SGPP2: variants seen among roughly 807,000 people sequenced by gnomAD.
SGPP2 encodes the protein sphingosine 1-phosphate phosphohydrolase 2.
Under a neutral mutation model 33.9 loss-of-function variants are expected in SGPP2, and 30 were observed. The observed-to-expected ratio is 0.89, with a 90% CI of 0.66 to 1.20. SGPP2 has a LOEUF of 1.20. Ranked by LOEUF, SGPP2 falls within the 50% of genes most tolerant of loss-of-function variation. SGPP2 has a pLI of 0.00. For synonymous variants in SGPP2, 233 were observed against 225.0 expected (o/e 1.04, Z -0.32); for missense variants, 458 against 532.1 (o/e 0.86, Z 1.37).
At chr2:222,496,008 G>A (rs528590740) in intron 2 of SGPP2, among the ~76,000 whole-genome samples, 1 of 152,118 alleles carries the variant, frequency 6.6e-6, no homozygotes, top group Non-Finnish European at 1.5e-5. Context: ...TAATAGAAAT[G>A]CCCGTTCCTC....
intron 2 of SGPP2, among the ~76,000 whole-genome samples, chr2:222,491,692 C>T (rs2082986): frequency 0.66 from 100,948 of 151,936 alleles, 34,341 homozygotes; most frequent in East Asian, 0.99. Context: ...TATTCTGCCC[C>T]TGGCCCTTCC....
chr2:222,498,122 A>T (rs922977310), intron 2 of SGPP2, among the ~76,000 whole-genome samples: 4 of 152,178 alleles, frequency 2.6e-5, no homozygotes, highest in African/African-American at 9.7e-5. Flanking sequence ...CAGAGAGTGT[A>T]GCCCCTTTGG....
intron 4 of SGPP2, among the ~76,000 whole-genome samples, chr2:222,547,973 TAAAG>T (rs1050646082): frequency 1.3e-5 from 2 of 152,316 alleles, no homozygotes; most frequent in Non-Finnish European, 2.9e-5. Context: ...GACAATCTAA[TAAAG>T]AAATATTACA....
intron 3 of SGPP2, among the ~76,000 whole-genome samples, chr2:222,524,718 G>T (rs1328421996): frequency 6.6e-6 from 1 of 152,096 alleles, no homozygotes; most frequent in Non-Finnish European, 1.5e-5. Flanking sequence ...ATGCTTATAT[G>T]TTGTGAAACT....
chr2:222,434,396 A>G (rs1294978039), intron 1 of SGPP2, among the ~76,000 whole-genome samples: 2 of 152,188 alleles, frequency 1.3e-5, no homozygotes, highest in Non-Finnish European at 2.9e-5. Flanking sequence ...TCTTGCTTCA[A>G]GCACAACAAA....
At chr2:222,473,672 C>A (rs893308263) in intron 1 of SGPP2, among the ~76,000 whole-genome samples, 5 of 152,130 alleles carry the variant, frequency 3.3e-5, no homozygotes, top group Admixed American at 1.3e-4. Flanking sequence ...CGCCCGTAAT[C>A]CCAGCACTTT....
chr2:222,464,007 G>A (rs933991288), intron 1 of SGPP2, among the ~76,000 whole-genome samples: 1 of 152,124 alleles, frequency 6.6e-6, no homozygotes, highest in African/African-American at 2.4e-5. Context: ...GGATGAAAAC[G>A]AGTAAACTGA....
chr2:222,549,606 G>C (rs1443832758), intron 4 of SGPP2, among the ~76,000 whole-genome samples: 1 of 76,858 alleles, frequency 1.3e-5, no homozygotes, highest in East Asian at 3.6e-4. Context: ...CCTGTAATGA[G>C]AATATAATAA....
chr2:222,559,426 G>T lies in SGPP2; in HGVS notation c.*528G>T. The T allele has an allele frequency of 6.4e-6, 1 of 156,844 alleles. No individual in the cohort carries two copies. The highest frequency in any genetic ancestry group is 1.4e-5 in the Non-Finnish European group (1 of 70,640). The allele number at this position is 156,844 out of a possible 1,614,324, so 9.7% of individuals were successfully genotyped here. A position where few individuals can be genotyped will look rare whatever the true frequency, so the allele number is the denominator to read the frequency against. ...GGCACCATATGAAACGGCATTCCTTGGACAGGGTGACTTCCTTATCGTTTA... is the reference window on the plus strand; with the variant it reads ...GGCACCATATGAAACGGCATTCCTTTGACAGGGTGACTTCCTTATCGTTTA... On this transcript the variant is annotated 3_prime_UTR_variant, in exon 5 of 5. Coordinates refer to ENST00000321276, the MANE Select transcript of SGPP2 (RefSeq NM_152386.4).
At chr2:222,470,261 A>G (rs768999942) in intron 1 of SGPP2, among the ~76,000 whole-genome samples, 6 of 152,332 alleles carry the variant, frequency 3.9e-5, no homozygotes, top group Admixed American at 1.3e-4. Context: ...CTGCACATGT[A>G]TCTCAGAATT....
chr2:222,437,860 C>A (rs944030839), intron 1 of SGPP2, among the ~76,000 whole-genome samples: 2 of 152,210 alleles, frequency 1.3e-5, no homozygotes, highest in African/African-American at 4.8e-5. Flanking sequence ...CTCCAAAATC[C>A]TGGAGACTCC....
At chr2:222,500,425 A>G (rs573052177) in intron 2 of SGPP2, among the ~76,000 whole-genome samples, 39 of 152,280 alleles carry the variant, frequency 2.6e-4, no homozygotes, top group Non-Finnish European at 5.0e-4. Context: ...AGCCAGTTTG[A>G]GGGTGTTTAA....
intron 4 of SGPP2, among the ~76,000 whole-genome samples, chr2:222,549,233 G>T (rs2106154142): frequency 6.6e-6 from 1 of 152,318 alleles, no homozygotes; most frequent in African/African-American, 2.4e-5. Flanking sequence ...TGACTGAATG[G>T]GTTTGTTCTC....
chr2:222,516,464 A>G (rs866052410), intron 2 of SGPP2, among the ~76,000 whole-genome samples: 12 of 152,342 alleles, frequency 7.9e-5, no homozygotes, highest in Admixed American at 2.0e-4. Context: ...GGGCTATTAT[A>G]AAAAAGAGCT....
intron 1 of SGPP2, among the ~76,000 whole-genome samples, chr2:222,454,856 G>C (rs1489528465): frequency 6.6e-6 from 1 of 152,028 alleles, no homozygotes; most frequent in Non-Finnish European, 1.5e-5. Flanking sequence ...AGAACCCGTA[G>C]ATGGCTACTT....
At chr2:222,514,498 G>C (rs1698575297) in intron 2 of SGPP2, among the ~76,000 whole-genome samples, 1 of 152,090 alleles carries the variant, frequency 6.6e-6, no homozygotes, top group Non-Finnish European at 1.5e-5. Context: ...CACTACACCT[G>C]GCTAGTTCTT....
intron 2 of SGPP2, among the ~76,000 whole-genome samples, chr2:222,509,544 A>G (rs766005653): frequency 1.4e-4 from 22 of 152,206 alleles, no homozygotes; most frequent in Non-Finnish European, 2.5e-4. Context: ...GCTCTCTGGT[A>G]TGTACTCACT....
At chr2:222,451,391 A>G (rs1455057233) in intron 1 of SGPP2, among the ~76,000 whole-genome samples, 1 of 152,246 alleles carries the variant, frequency 6.6e-6, no homozygotes, top group African/African-American at 2.4e-5. Context: ...ATCATTTAGA[A>G]AGTATGTGAC....
At chr2:222,498,906 A>G (rs1439556104) in intron 2 of SGPP2, among the ~76,000 whole-genome samples, 1 of 152,180 alleles carries the variant, frequency 6.6e-6, no homozygotes, top group African/African-American at 2.4e-5. Context: ...AATGTTTGAA[A>G]TGTACCATCA....
Sources: gnomAD v4.1 joint callset for allele counts (sites outside exome capture counted in the v4.1 genomes callset) on GRCh38, gnomAD v4.1.1 for gene constraint, MANE v1.5 for transcripts, NCBI Gene and HGNC (gene_info 2026-07-23, HGNC 2026-07-21) for gene names.